The following ADAMTS17 variants were observed in gnomAD, a reference collection of about 807,000 sequenced individuals.
The protein encoded by ADAMTS17 is ADAM metallopeptidase with thrombospondin type 1 motif 17, also known as A disintegrin and metalloproteinase with thrombospondin motifs 17.
Under a neutral mutation model 141.5 loss-of-function variants are expected in ADAMTS17, and 113 were observed. The ratio of observed to expected loss-of-function variants is 0.80; its 90% CI spans 0.69 to 0.93. The LOEUF is 0.93. Among genes scored for constraint, ADAMTS17 ranks in the 40% least tolerant of loss-of-function variants. ADAMTS17 has a pLI of 0.00. For synonymous variants in ADAMTS17, 768 were observed against 630.6 expected (o/e 1.22, Z -3.27); for missense variants, 1,659 against 1,517.9 (o/e 1.09, Z -1.54).
At chr15:100,322,208 G>C (rs1435412780) in intron 3 of ADAMTS17, among the ~76,000 whole-genome samples, 4 of 152,188 alleles carry the variant, frequency 2.6e-5, no homozygotes, top group Non-Finnish European at 5.9e-5. Context: ...CCAACAGAAA[G>C]CTTGCAGCCC....
At chr15:100,315,154 C>CGGGA (rs996941061) in intron 3 of ADAMTS17, among the ~76,000 whole-genome samples, 1 of 152,184 alleles carries the variant, frequency 6.6e-6, no homozygotes, top group African/African-American at 2.4e-5. Context: ...GGCTGGAGGC[C>CGGGA]GGGAGGCAGG....
At chr15:100,214,202 G>A (rs1181402333) in intron 7 of ADAMTS17, among the ~76,000 whole-genome samples, 1 of 152,124 alleles carries the variant, frequency 6.6e-6, no homozygotes, top group South Asian at 2.1e-4. Flanking sequence ...CAGCCATGTC[G>A]ACAGGGAAGA....
intron 2 of ADAMTS17, among the ~76,000 whole-genome samples, chr15:100,337,378 C>G (rs1166142110): frequency 6.6e-6 from 1 of 152,210 alleles, no homozygotes; most frequent in Non-Finnish European, 1.5e-5. Flanking sequence ...CAGACTGACC[C>G]CAGTGATTCC....
intron 15 of ADAMTS17, among the ~76,000 whole-genome samples, chr15:100,058,155 C>T (rs2032757367): frequency 6.6e-6 from 1 of 151,314 alleles, no homozygotes; most frequent in South Asian, 2.1e-4. Context: ...CACCTCTATC[C>T]CAGCTCTAAC....
chr15:100,299,081 AC>A (rs1157310338), intron 3 of ADAMTS17, among the ~76,000 whole-genome samples: 1 of 151,994 alleles, frequency 6.6e-6, no homozygotes, highest in Non-Finnish European at 1.5e-5. Context: ...AGATTAGGGG[AC>A]CCACCTTCAT....
At chr15:100,071,955 G>A (rs1221826543) in intron 15 of ADAMTS17, among the ~76,000 whole-genome samples, 1 of 150,110 alleles carries the variant, frequency 6.7e-6, no homozygotes, top group Non-Finnish European at 1.5e-5. Flanking sequence ...AGGAAAAGAG[G>A]AAGTCAAATT....
chr15:100,030,170 C>T (rs575691122), intron 18 of ADAMTS17, among the ~76,000 whole-genome samples: 12 of 152,246 alleles, frequency 7.9e-5, no homozygotes, highest in African/African-American at 2.9e-4. Flanking sequence ...CAGGGTAAAG[C>T]TCTCTCCCCC....
intron 6 of ADAMTS17, among the ~76,000 whole-genome samples, 182 bp downstream of exon 6, chr15:100,261,297 T>C (rs551770643): frequency 6.6e-6 from 1 of 152,362 alleles, no homozygotes; most frequent in South Asian, 2.1e-4. Flanking sequence ...CCAGGCATCG[T>C]ACCTACCTCA....
At chr15:100,187,679 C>G (rs1422427857) in intron 8 of ADAMTS17, among the ~76,000 whole-genome samples, 1 of 152,120 alleles carries the variant, frequency 6.6e-6, no homozygotes, top group Non-Finnish European at 1.5e-5. Flanking sequence ...CTCAAGACAC[C>G]CCAACAGGCT....
At chr15:100,315,416 C>CAGGG (rs1413658147) in intron 3 of ADAMTS17, among the ~76,000 whole-genome samples, 2 of 152,168 alleles carry the variant, frequency 1.3e-5, no homozygotes, top group Non-Finnish European at 2.9e-5. Context: ...TGTGTGAGGG[C>CAGGG]AGGGACATCT....
At chr15:100,022,612 G>A (rs988380461) in intron 18 of ADAMTS17, among the ~76,000 whole-genome samples, 1 of 152,064 alleles carries the variant, frequency 6.6e-6, no homozygotes, top group East Asian at 1.9e-4. Context: ...ATTATGTAAC[G>A]GAGACCTTTA....
At chr15:100,274,932 A>C (rs1228920223) in intron 4 of ADAMTS17, among the ~76,000 whole-genome samples, 1 of 152,138 alleles carries the variant, frequency 6.6e-6, no homozygotes, top group Non-Finnish European at 1.5e-5. Context: ...AAGTTATAAC[A>C]CTCTAATCTG....
intron 14 of ADAMTS17, among the ~76,000 whole-genome samples, chr15:100,108,181 T>TA (rs2036525075): frequency 1.3e-5 from 2 of 151,642 alleles, no homozygotes; most frequent in Non-Finnish European, 2.9e-5. Flanking sequence ...TCCTTTTTTT[T>TA]TTCCCCCCGA....
At chr15:100,306,081 C>T (rs1054108128) in intron 3 of ADAMTS17, 1 of 174,030 alleles carries the variant, frequency 5.7e-6, no homozygotes, top group African/African-American at 2.4e-5. Context: ...GGTATGCTGT[C>T]TCTGAACTAT....
intron 15 of ADAMTS17, among the ~76,000 whole-genome samples, chr15:100,067,222 A>C (rs372844262): frequency 2.0e-5 from 3 of 150,824 alleles, no homozygotes; most frequent in Admixed American, 2.0e-4. Context: ...GATATTGAGA[A>C]GGCAGCCATC....
chr15:100,335,547 T>A (rs2046183175), intron 2 of ADAMTS17, among the ~76,000 whole-genome samples: 1 of 152,226 alleles, frequency 6.6e-6, no homozygotes, highest in South Asian at 2.1e-4. Flanking sequence ...TGAGCCTTGC[T>A]GGGCGCCTAC....
chr15:100,136,277 G>A (rs1464465586), intron 10 of ADAMTS17, among the ~76,000 whole-genome samples: 2 of 152,192 alleles, frequency 1.3e-5, no homozygotes, highest in African/African-American at 4.8e-5. Context: ...GAACCACAGT[G>A]TTGGGAGTCA....
chr15:100,189,394 T>C (rs1377334396), intron 8 of ADAMTS17, among the ~76,000 whole-genome samples: 1 of 152,188 alleles, frequency 6.6e-6, no homozygotes, highest in Non-Finnish European at 1.5e-5. Flanking sequence ...GCCTTTTTCT[T>C]TATAACTCTC....
chr15:100,327,548 G>C (rs1026682478), intron 3 of ADAMTS17, among the ~76,000 whole-genome samples: 4 of 152,192 alleles, frequency 2.6e-5, no homozygotes, highest in African/African-American at 9.7e-5. Flanking sequence ...AATACACCAT[G>C]GGGGAGGAGA....
Sources: gnomAD v4.1 joint callset for allele counts (sites outside exome capture counted in the v4.1 genomes callset) on GRCh38, gnomAD v4.1.1 for gene constraint, MANE v1.5 for transcripts, NCBI Gene and HGNC (gene_info 2026-07-23, HGNC 2026-07-21) for gene names.